Variants in COX14 observed in about 807,000 individuals in gnomAD.
The protein encoded by COX14 is cytochrome c oxidase assembly factor COX14.
In COX14, 3 loss-of-function variants were observed where a neutral mutation model predicts 5.8. The ratio of observed to expected loss-of-function variants is 0.51; its 90% CI spans 0.23 to 1.33. COX14 has a LOEUF of 1.33. COX14 is among the 40% of genes most tolerant of loss of function. The probability of loss-of-function intolerance (pLI) is 0.18; values close to 1 mark genes in which losing one functional copy is unlikely to be tolerated. For synonymous variants in COX14, 25 were observed against 26.1 expected, an observed-to-expected ratio of 0.96 and a Z score of 0.13; for missense variants, 72 against 72.1, an observed-to-expected ratio of 1.00 and a Z score of 0.01.
chr12:50,117,889 G>A (rs1318268928), intron 1 of COX14, among the ~76,000 whole-genome samples: 4 of 151,382 alleles, frequency 2.6e-5, no homozygotes, highest in South Asian at 2.1e-4. Flanking sequence ...GACTACAGGC[G>A]CGCACTGCCA....
rs542286183 is a variant in COX14 at position 50,120,058 on chromosome 12, G to A, written c.15G>A (p.Lys5=). The A allele has an allele frequency of 1.2e-6, 2 of 1,614,086 alleles. No individual in the cohort carries two copies. The highest frequency in any genetic ancestry group is 1.3e-5 in the African/African-American group (1 of 75,048). MPTG[K]QLADIGYKTF... ...TAGGGGACAAGATGCCAACTGGCAA[G>A]CAGCTAGCTGACATTGGCTATAAGA... is the stretch of plus-strand genomic sequence containing the variant. Residue 5 remains lysine, a synonymous_variant, in exon 2 of 2, where the codon AAG becomes AAA. Coordinates refer to ENST00000550487, the MANE Select transcript of COX14 (RefSeq NM_032901.4).
intron 1 of COX14, among the ~76,000 whole-genome samples, chr12:50,114,017 A>C (rs1677876625): frequency 6.6e-6 from 1 of 151,574 alleles, no homozygotes; most frequent in Non-Finnish European, 1.5e-5. Context: ...AGCTCACTGC[A>C]GCCCCAAACT....
chr12:50,120,012 T>C (rs776855473), intron 1 of COX14, 24 bp from the exon 2 acceptor site: 18 of 1,603,036 alleles, frequency 1.1e-5, no homozygotes, highest in Non-Finnish European at 1.5e-5. Flanking sequence ...TATCCTCAGG[T>C]CTAAATTCAA....
intron 1 of COX14, among the ~76,000 whole-genome samples, chr12:50,114,618 C>G (rs985107179): frequency 1.3e-5 from 2 of 151,564 alleles, no homozygotes; most frequent in Non-Finnish European, 1.5e-5. Flanking sequence ...CCCTTGGCCT[C>G]TCTCTTTCTG....
intron 1 of COX14, among the ~76,000 whole-genome samples, chr12:50,119,521 C>T (rs1951111356): frequency 2.0e-5 from 3 of 152,190 alleles, no homozygotes; most frequent in Admixed American, 2.0e-4. Flanking sequence ...CATAGCAAGA[C>T]CCTGTCTCTA....
intron 1 of COX14, among the ~76,000 whole-genome samples, chr12:50,117,964 C>G (rs1042833936): frequency 1.3e-5 from 2 of 151,498 alleles, no homozygotes; most frequent in Admixed American, 6.6e-5. Context: ...AGGATGGTCT[C>G]GATCTCTTGA....
At chr12:50,117,526 A>C (rs1951091192) in intron 1 of COX14, among the ~76,000 whole-genome samples, 2 of 151,652 alleles carry the variant, frequency 1.3e-5, no homozygotes, top group African/African-American at 4.8e-5. Flanking sequence ...ACTGGGTCCA[A>C]AGGTCCTTGA....
chr12:50,113,887 C>T (rs985095973), intron 1 of COX14, among the ~76,000 whole-genome samples: 7 of 152,006 alleles, frequency 4.6e-5, no homozygotes, highest in Admixed American at 4.6e-4. Flanking sequence ...CCCACTTCTG[C>T]CTCCCAAAGT....
intron 1 of COX14, chr12:50,118,475 A>G (rs1951102419): frequency 1.0e-6 from 1 of 981,302 alleles, no homozygotes; most frequent in South Asian, 4.7e-5. Context: ...TTAAAAATAA[A>G]TATGTATTTT....
At chr12:50,118,076 A>C (rs1951098456) in intron 1 of COX14, among the ~76,000 whole-genome samples, 8 of 121,680 alleles carry the variant, frequency 6.6e-5, no homozygotes, top group South Asian at 2.6e-4. Context: ...ATGGAGTCTC[A>C]CTCCCCGTCA....
chr12:50,118,432 C>T, intron 1 of COX14: 1 of 985,234 alleles, frequency 1.0e-6, no homozygotes, highest in Non-Finnish European at 1.2e-6. Context: ...CAACCCCGTC[C>T]TTGATGGACA....
chr12:50,118,477 A>T, intron 1 of COX14: 2 of 979,464 alleles, frequency 2.0e-6, no homozygotes, highest in Non-Finnish European at 2.4e-6. Flanking sequence ...AAAAATAAAT[A>T]TGTATTTTTG....
chr12:50,117,477 G>A (rs1286882858), intron 1 of COX14, among the ~76,000 whole-genome samples: 1 of 152,138 alleles, frequency 6.6e-6, no homozygotes, highest in East Asian at 1.9e-4. Context: ...GGCCTCACTG[G>A]CAGGCTTATT....
intron 1 of COX14, among the ~76,000 whole-genome samples, chr12:50,115,514 C>G (rs190131152): frequency 6.6e-6 from 1 of 151,726 alleles, no homozygotes; most frequent in African/African-American, 2.4e-5. Flanking sequence ...CGCGCCCGGC[C>G]GAGCATCTTC....
At chr12:50,113,947 CATT>C (rs1348685906) in intron 1 of COX14, among the ~76,000 whole-genome samples, 1 of 149,810 alleles carries the variant, frequency 6.7e-6, no homozygotes, top group Non-Finnish European at 1.5e-5. Context: ...TCTTTATTAT[CATT>C]ATTATTATTA....
intron 1 of COX14, among the ~76,000 whole-genome samples, chr12:50,113,138 G>A (rs1005060928): frequency 6.6e-6 from 1 of 151,936 alleles, no homozygotes; most frequent in African/African-American, 2.4e-5. Context: ...GCCTCCCAAA[G>A]TGTTGGGATT....
intron 1 of COX14, among the ~76,000 whole-genome samples, chr12:50,113,110 A>G (rs1951044915): frequency 6.6e-6 from 1 of 151,958 alleles, no homozygotes; most frequent in African/African-American, 2.4e-5. Flanking sequence ...CCTGAGCTCA[A>G]GCCATCCTCC....
At chr12:50,115,067 G>T (rs1296856519) in intron 1 of COX14, among the ~76,000 whole-genome samples, 31 of 117,518 alleles carry the variant, frequency 2.6e-4, no homozygotes, top group Middle Eastern at 6.0e-3. Context: ...TGCCCGGCCG[G>T]TTTTTTTTTT....
At chr12:50,119,616 G>A (rs1464522702) in intron 1 of COX14, among the ~76,000 whole-genome samples, 1 of 152,174 alleles carries the variant, frequency 6.6e-6, no homozygotes, top group Non-Finnish European at 1.5e-5. Flanking sequence ...GTGGACTTCA[G>A]CCCAGGAGGT....
Sources: gnomAD v4.1 joint callset for allele counts (sites outside exome capture counted in the v4.1 genomes callset) on GRCh38, gnomAD v4.1.1 for gene constraint, MANE v1.5 for transcripts, NCBI Gene and HGNC (gene_info 2026-07-23, HGNC 2026-07-21) for gene names.